SLCO1B3: variants seen among roughly 807,000 people sequenced by gnomAD.
SLCO1B3 encodes the protein liver-specific organic anion transporter 2.
SLCO1B3 carries 72 observed loss-of-function variants against 71.8 expected under a neutral mutation model. The ratio of observed to expected loss-of-function variants is 1.00; its 90% CI spans 0.83 to 1.22. SLCO1B3 has a LOEUF of 1.22. Ranked by LOEUF, SLCO1B3 falls within the 50% of genes most tolerant of loss-of-function variation. SLCO1B3 has a pLI of 0.00. For missense variants in SLCO1B3, 911 were observed against 819.7 expected (o/e 1.11, Z -1.36); for synonymous variants, 298 against 278.4 (o/e 1.07, Z -0.70).
chr12:20,862,792 T>C lies in SLCO1B3; in HGVS notation c.665T>C (p.Ile222Thr). Residue 222 changes from isoleucine (I) to threonine (T), a missense_variant, in exon 8 of 16, where the codon ATT (isoleucine) becomes ACT (threonine). By Grantham distance (89) the Ile-to-Thr change is moderately conservative. Coordinates refer to ENST00000381545, the MANE Select transcript of SLCO1B3 (RefSeq NM_019844.4). ...GCAATAGGAATGATTGGTCCAGTCA[T>C]TGGCTTTGCACTGGGATCTCTGTTT... Reference protein sequence around the residue: ...LNAIGMIGPVIGFALGSLFAK... With the variant: ...LNAIGMIGPVTGFALGSLFAK... 3 of 1,612,170 alleles carry C rather than the reference T, an allele frequency of 1.9e-6. No homozygotes were observed. The highest frequency in any genetic ancestry group is 2.5e-6 in the Non-Finnish European group (3 of 1,178,374).
chr12:20,824,505 C>T (rs1057371619), intron 3 of SLCO1B3, among the ~76,000 whole-genome samples: 1 of 152,072 alleles, frequency 6.6e-6, no homozygotes, highest in Non-Finnish European at 1.5e-5. Context: ...TTGTGAATGA[C>T]AAAAATCTTA....
chr12:20,908,222 T>C (rs955842870), intron 15 of SLCO1B3, among the ~76,000 whole-genome samples: 2 of 152,232 alleles, frequency 1.3e-5, no homozygotes, highest in African/African-American at 4.8e-5. Flanking sequence ...ATAGATTTTA[T>C]TTTTTAGAAT....
chr12:20,839,890 T>A (rs1430102830), intron 3 of SLCO1B3, among the ~76,000 whole-genome samples: 2 of 152,210 alleles, frequency 1.3e-5, no homozygotes, highest in Admixed American at 6.5e-5. Context: ...CAGATTTTAA[T>A]TGGTATATTC....
intron 12 of SLCO1B3, among the ~76,000 whole-genome samples, chr12:20,883,082 C>A (rs998451508): frequency 2.0e-5 from 3 of 152,092 alleles, no homozygotes; most frequent in Admixed American, 1.3e-4. Context: ...TTTCTGGATT[C>A]TTTTGGTAGT....
intron 3 of SLCO1B3, among the ~76,000 whole-genome samples, chr12:20,823,929 G>A (rs553511944): frequency 3.3e-5 from 5 of 152,224 alleles, no homozygotes; most frequent in East Asian, 3.9e-4. Context: ...CAAGGCAATC[G>A]GAAAATGTCA....
At chr12:20,832,085 C>G (rs1220924574) in intron 3 of SLCO1B3, among the ~76,000 whole-genome samples, 2 of 152,198 alleles carry the variant, frequency 1.3e-5, no homozygotes, top group Admixed American at 1.3e-4. Context: ...AACTCTGTTT[C>G]ACATTGCTAA....
chr12:20,829,766 A>G (rs925773275), intron 3 of SLCO1B3, among the ~76,000 whole-genome samples: 1 of 152,104 alleles, frequency 6.6e-6, no homozygotes, highest in African/African-American at 2.4e-5. Flanking sequence ...ACCCATTTTT[A>G]TGGTTATTTC....
intron 3 of SLCO1B3, among the ~76,000 whole-genome samples, chr12:20,818,024 T>C (rs1195643717): frequency 6.6e-6 from 1 of 152,028 alleles, no homozygotes; most frequent in East Asian, 1.9e-4. Flanking sequence ...GAACGGTGAA[T>C]AGGAGTATGA....
intron 8 of SLCO1B3, among the ~76,000 whole-genome samples, chr12:20,872,345 C>T (rs774911889): frequency 2.5e-4 from 38 of 151,692 alleles, no homozygotes; most frequent in Non-Finnish European, 4.3e-4. Context: ...GCCTCTGGCC[C>T]AGGGCAGGTC....
Position 20,872,068 on chromosome 12 carries a change from T to C in SLCO1B3, c.728-3167T>C, listed in dbSNP as rs957895716. Among the ~76,000 whole-genome samples, 4 of 151,972 alleles carry C rather than the reference T, an allele frequency of 2.6e-5. No homozygotes were observed. The East Asian group carries it at 5.9e-4, about 22-fold the overall frequency. ...AATTTACCTGTAATAGATATCTGTT[T>C]TACTATGGCTACGCTGGCACCCAAA... On this transcript the variant is annotated intron_variant, in intron 8 of 15. Coordinates refer to ENST00000381545, the MANE Select transcript of SLCO1B3 (RefSeq NM_019844.4).
At chr12:20,894,310 C>T (rs1292872068) in intron 13 of SLCO1B3, among the ~76,000 whole-genome samples, 1 of 152,082 alleles carries the variant, frequency 6.6e-6, no homozygotes, top group Admixed American at 6.6e-5. Context: ...CGAGCGTGTG[C>T]ACATCAGTGA....
At chr12:20,893,090 C>T (rs556283764) in intron 13 of SLCO1B3, among the ~76,000 whole-genome samples, 6 of 152,012 alleles carry the variant, frequency 3.9e-5, no homozygotes, top group African/African-American at 1.4e-4. Flanking sequence ...GCCTAAAGAG[C>T]TAGGGCTGGA....
chr12:20,902,247 G>A (rs189983348), intron 15 of SLCO1B3: 333 of 166,054 alleles, frequency 2.0e-3, no homozygotes, highest in African/African-American at 6.0e-3. Context: ...TCGTCAGACT[G>A]CTTTCTACAA....
At chr12:20,821,188 G>T (rs372829971) in intron 3 of SLCO1B3, among the ~76,000 whole-genome samples, 13 of 151,716 alleles carry the variant, frequency 8.6e-5, no homozygotes, top group South Asian at 2.1e-4. Flanking sequence ...AGACTAGGAA[G>T]GGACTGATGT....
At chr12:20,870,153 T>C (rs1865450873) in intron 8 of SLCO1B3, among the ~76,000 whole-genome samples, 1 of 152,168 alleles carries the variant, frequency 6.6e-6, no homozygotes, top group Non-Finnish European at 1.5e-5. Flanking sequence ...TCTATTCAGG[T>C]CTTTCACCTA....
In SLCO1B3 at chr12:20,901,454, T is replaced by G. The variant is rs1392198510; in HGVS notation, c.1852T>G (p.Ser618Ala). 1 of 1,533,916 alleles carries G rather than the reference T, an allele frequency of 6.5e-7. No homozygotes were observed. Among genetic ancestry groups the G allele is most frequent in the Non-Finnish European group, 8.7e-7 (1 of 1,143,840 alleles). Residue 618 changes from serine to alanine, a missense_variant, in exon 15 of 16, where the codon TCC becomes GCC. Physicochemically the swap from Ser to Ala is moderately conservative, Grantham distance 99 (BLOSUM62 1). Coordinates refer to ENST00000381545, the MANE Select transcript of SLCO1B3 (RefSeq NM_019844.4). ...ACAAGGGGCTTGTAGGATATATAAT[T>G]CCGTATTTTTTGGGTAAGTTGTCGT... Reference protein sequence around the residue: ...GAQGACRIYNSVFFGRVYLGL... With the variant: ...GAQGACRIYNAVFFGRVYLGL...
At position 20,896,725 on chromosome 12, in the gene SLCO1B3, A is replaced by G. The variant is rs544764632; in HGVS notation, c.1683-1711A>G. On this transcript the variant is annotated intron_variant, in intron 13 of 15. Coordinates refer to ENST00000381545, the MANE Select transcript of SLCO1B3 (RefSeq NM_019844.4). ...CAAGGTCACTTCCACATTTTCAGGTATCTTTTTAGCAACGTCCCACTCTAC... is the reference window on the plus strand; with the variant it reads ...CAAGGTCACTTCCACATTTTCAGGTGTCTTTTTAGCAACGTCCCACTCTAC... Among the ~76,000 whole-genome samples, 12 of 152,300 alleles carry G rather than the reference A, an allele frequency of 7.9e-5. No individual in the cohort carries two copies. In the East Asian group the frequency reaches 2.3e-3, roughly 29 times the overall value.
intron 5 of SLCO1B3, chr12:20,859,041 A>T (rs1452784649): frequency 6.6e-6 from 1 of 152,494 alleles, no homozygotes; most frequent in African/African-American, 2.4e-5. Context: ...CAATAACTTA[A>T]ATAAGATAGA....
chr12:20,830,370 T>A (rs1023102023), intron 3 of SLCO1B3, among the ~76,000 whole-genome samples: 1 of 152,140 alleles, frequency 6.6e-6, no homozygotes, highest in Non-Finnish European at 1.5e-5. Flanking sequence ...AGGGCTTCAA[T>A]ATTTAAAGGG....
Sources: gnomAD v4.1 joint callset for allele counts (sites outside exome capture counted in the v4.1 genomes callset) on GRCh38, gnomAD v4.1.1 for gene constraint, MANE v1.5 for transcripts, NCBI Gene and HGNC (gene_info 2026-07-23, HGNC 2026-07-21) for gene names.